Variants in LRPPRC observed in about 807,000 individuals in gnomAD.
LRPPRC encodes the protein leucine-rich PPR motif-containing protein, mitochondrial.
In LRPPRC, 120 loss-of-function variants were observed where a neutral mutation model predicts 180.3. That is an observed-to-expected ratio of 0.67 (90% CI 0.57 to 0.77). The LOEUF (loss-of-function observed/expected upper bound fraction) is 0.77. LRPPRC is among the 30% of genes least tolerant of loss of function. The pLI is 0.00. For synonymous variants in LRPPRC, 723 were observed against 600.0 expected (o/e 1.21, Z -3.00); for missense variants, 2,012 against 1,657.2 (o/e 1.21, Z -3.72).
rs1264929207 is a variant in LRPPRC at position 43,918,796 on chromosome 2, TATATATATATATAG to T, written c.2897-412_2897-399del. 2.3e-4 allele frequency among the ~76,000 whole-genome samples: 8 copies of T among 34,952 alleles called. No homozygotes were observed. The South Asian group carries it at 3.4e-3, about 15-fold the overall frequency. 22.9% of individuals were successfully genotyped at this position (34,952 alleles called of 152,430 possible). A position where few individuals can be genotyped will look rare whatever the true frequency, so the allele number is the denominator to read the frequency against. On this transcript the variant is annotated intron_variant, in intron 27 of 37. Coordinates refer to ENST00000260665, the MANE Select transcript of LRPPRC (RefSeq NM_133259.4). ...CTGGAAATATATATATATATAGATATATATATATATATAGATATATATATATCTATATATAGATA... is the reference window on the plus strand; with the variant it reads ...CTGGAAATATATATATATATAGATATATATATATATATCTATATATAGATA...
rs375533199 is a variant in LRPPRC at position 43,921,929 on chromosome 2, G to A, written c.2896+3138C>T. On this transcript the variant is annotated intron_variant, in intron 27 of 37. Coordinates refer to ENST00000260665, the MANE Select transcript of LRPPRC (RefSeq NM_133259.4). ...ATTGCAAAATTACAAATGTAAGGCA[G>A]TTTGACTCTTGGATAGACTACTATA... Among the ~76,000 whole-genome samples the A allele has an allele frequency of 1.6e-4, 24 of 152,278 alleles. No individual in the cohort carries two copies. In the South Asian group the frequency reaches 5.0e-3, roughly 32 times the overall value.
At chr2:43,942,163 A>T (rs1473630349) in intron 23 of LRPPRC, among the ~76,000 whole-genome samples, 1 of 152,116 alleles carries the variant, frequency 6.6e-6, no homozygotes, top group Non-Finnish European at 1.5e-5. Context: ...CTCTGTCTTC[A>T]AAGTATTTCT....
rs1670297935 is a variant in LRPPRC at position 43,887,159 on chromosome 2, A to AAAAAAAAAAAG, written c.*1440_*1441insCTTTTTTTTTT. ...AGACTATCTCAAAAAAAAAAAAAAA[A>AAAAAAAAAAAG]AAAAAGATGCTTTTGGCAAACCTGT... On this transcript the variant is annotated 3_prime_UTR_variant, in exon 38 of 38. Coordinates refer to ENST00000260665, the MANE Select transcript of LRPPRC (RefSeq NM_133259.4). 1 of 151,610 alleles carries AAAAAAAAAAAG rather than the reference A, an allele frequency of 6.6e-6. No homozygotes were observed. Among genetic ancestry groups the AAAAAAAAAAAG allele is most frequent in the Non-Finnish European group, 1.5e-5 (1 of 68,068 alleles). 9.4% of individuals were successfully genotyped at this position (151,610 alleles called of 1,614,324 possible).
intron 29 of LRPPRC, among the ~76,000 whole-genome samples, chr2:43,916,688 T>A (rs2105021990): frequency 6.6e-6 from 1 of 152,226 alleles, no homozygotes; most frequent in East Asian, 1.9e-4. Context: ...GGGTGGTGGC[T>A]CATACCAGCA....
At position 43,918,054 on chromosome 2, in the gene LRPPRC, A is replaced by T; in HGVS notation, c.3119T>A (p.Leu1040Ter). ...TTEPDFQKDI[L>*]IACRLNQKKG... ...TTTTTGGTTCAATCGGCAGGCAATC[A>T]ATATATCTTTCTGGAAATCAGGTTC... is the stretch of plus-strand genomic sequence containing the variant. Residue 1040 changes from leucine (L) to a stop codon, truncating the protein, a stop_gained, in exon 29 of 38, where the codon TTG becomes TAG. Transcript: ENST00000260665. LOFTEE classifies it high-confidence loss of function. The T allele has an allele frequency of 6.2e-7, 1 of 1,611,148 alleles. No individual in the cohort carries two copies. The highest frequency in any genetic ancestry group is 8.5e-7 in the Non-Finnish European group (1 of 1,179,112).
At chr2:43,956,633 T>C (rs1282235790) in intron 14 of LRPPRC, among the ~76,000 whole-genome samples, 1 of 152,156 alleles carries the variant, frequency 6.6e-6, no homozygotes, top group East Asian at 1.9e-4. Context: ...CTCATGCCTG[T>C]AAACCCAGCA....
chr2:43,889,707 T>G (rs200320681), intron 37 of LRPPRC, 27 bp downstream of exon 37: 2 of 1,580,530 alleles, frequency 1.3e-6, no homozygotes, highest in South Asian at 2.2e-5. Flanking sequence ...CAGAGGTATT[T>G]TTTCCCCTTA....
intron 26 of LRPPRC, 134 bp downstream of exon 26, chr2:43,925,759 G>T: frequency 1.4e-6 from 1 of 734,498 alleles, no homozygotes; most frequent in African/African-American, 1.7e-5. Context: ...TTGCTTATCT[G>T]GCAAATGATC....
chr2:43,899,889 C>T (rs1163668862), intron 32 of LRPPRC, among the ~76,000 whole-genome samples: 1 of 152,170 alleles, frequency 6.6e-6, no homozygotes, highest in Non-Finnish European at 1.5e-5. Flanking sequence ...CAAGATCAAA[C>T]AACTATATAC....
At chr2:43,989,628 CCAT>C in intron 1 of LRPPRC, among the ~76,000 whole-genome samples, 1 of 152,306 alleles carries the variant, frequency 6.6e-6, no homozygotes, top group East Asian at 1.9e-4. Flanking sequence ...AATCCCTTCA[CCAT>C]CTAAAACACA....
At position 43,887,101 on chromosome 2, in the gene LRPPRC, G is replaced by A. The variant is rs1395284100; in HGVS notation, c.*1499C>T. ...GCGGAGGTTGCAGTGAGCTGAGATT[G>A]CGCCACTGCACTCTGGCTTAAGCAA... On this transcript the variant is annotated 3_prime_UTR_variant, in exon 38 of 38. Coordinates refer to ENST00000260665, the MANE Select transcript of LRPPRC (RefSeq NM_133259.4). 7.3e-6 allele frequency: 1 copy of A among 137,468 alleles called. No individual in the cohort carries two copies. The highest frequency in any genetic ancestry group is 1.5e-5 in the Non-Finnish European group (1 of 65,632). The allele number at this position is 137,468 out of a possible 1,614,324, so 8.5% of individuals were successfully genotyped here. A position where few individuals can be genotyped will look rare whatever the true frequency, so the allele number is the denominator to read the frequency against.
chr2:43,948,173 G>T lies in LRPPRC; in HGVS notation c.1869C>A (p.Tyr623Ter). ...KMNVKIPENIYRGIRNLLESY... is the reference protein window; with the variant it reads ...KMNVKIPENI ...TTTCCAGGAGATTACGAATGCCTCT[G>T]TAGATATTTTCAGGAATTTTTACAT... Residue 623 changes from tyrosine (Y) to a stop codon, truncating the protein, a stop_gained, in exon 18 of 38, where the codon TAC becomes TAA. Transcript: ENST00000260665. LOFTEE classifies it high-confidence loss of function. 6.2e-7 allele frequency: 1 copy of T among 1,606,386 alleles called. No homozygotes were observed. The highest frequency in any genetic ancestry group is 8.5e-7 in the Non-Finnish European group (1 of 1,173,106).
Position 43,960,603 on chromosome 2 carries a change from A to G in LRPPRC, c.1520T>C (p.Phe507Ser). The G allele has an allele frequency of 4.4e-6, 7 of 1,601,876 alleles. No individual in the cohort carries two copies. The highest frequency in any genetic ancestry group is 6.0e-6 in the Non-Finnish European group (7 of 1,170,162). The change falls in exon 13 of 38, where the codon TTT becomes TCT. Residue 507 changes from phenylalanine (F) to serine (S), a missense_variant. Phe to Ser is a radical substitution (Grantham distance 155). Transcript: ENST00000260665. ...TTCACTTCTCAATCCAGCTTGAGAAAACATATCACTATCAGACAGACATCC... is the reference window on the plus strand; with the variant it reads ...TTCACTTCTCAATCCAGCTTGAGAAGACATATCACTATCAGACAGACATCC... ...ENGCLSDSDMFSQAGLRSEAA... is the reference protein window; with the variant it reads ...ENGCLSDSDMSSQAGLRSEAA...
chr2:43,946,818 G>A (rs750546416), intron 20 of LRPPRC, among the ~76,000 whole-genome samples: 33 of 151,978 alleles, frequency 2.2e-4, no homozygotes, highest in Non-Finnish European at 3.8e-4. Flanking sequence ...AAGTACAGCT[G>A]GATGCCCGCT....
At chr2:43,959,920 T>G (rs1007910832) in intron 13 of LRPPRC, among the ~76,000 whole-genome samples, 1 of 152,120 alleles carries the variant, frequency 6.6e-6, no homozygotes, top group African/African-American at 2.4e-5. Context: ...AAGTGCAGTA[T>G]GGTGAAAAGA....
intron 24 of LRPPRC, 91 bp downstream of exon 24, chr2:43,934,663 G>T (rs1447040240): frequency 9.3e-7 from 1 of 1,079,708 alleles, no homozygotes. Flanking sequence ...GAATGTGCTG[G>T]CCTTCTGCTG....
intron 11 of LRPPRC, among the ~76,000 whole-genome samples, chr2:43,969,407 C>T (rs974242608): frequency 2.4e-4 from 33 of 138,720 alleles, no homozygotes; most frequent in African/African-American, 8.5e-4. Context: ...GAGACTCCAT[C>T]TCAAAAAAAA....
At chr2:43,895,209 C>A (rs1010760649) in intron 35 of LRPPRC, among the ~76,000 whole-genome samples, 1 of 152,166 alleles carries the variant, frequency 6.6e-6, no homozygotes, top group Non-Finnish European at 1.5e-5. Context: ...ACTGGATAAA[C>A]CCATGATGGA....
chr2:43,988,039 G>A (rs367859599), intron 1 of LRPPRC, among the ~76,000 whole-genome samples: 6 of 152,068 alleles, frequency 3.9e-5, no homozygotes, highest in South Asian at 2.1e-4. Flanking sequence ...AAGTCCGTTC[G>A]AGACCAGCCC....
Sources: allele counts gnomAD v4.1 joint callset (sites outside exome capture counted in the v4.1 genomes callset), GRCh38; gene constraint gnomAD v4.1.1; transcripts MANE v1.5; gene names NCBI Gene and HGNC (gene_info 2026-07-23, HGNC 2026-07-21).